Variants in CCSER1 observed in about 807,000 individuals in gnomAD.
CCSER1 encodes coiled-coil serine rich protein 1.
CCSER1 carries 41 observed loss-of-function variants against 82.0 expected under a neutral mutation model. The ratio of observed to expected loss-of-function variants is 0.50; its 90% CI spans 0.39 to 0.65. The LOEUF (loss-of-function observed/expected upper bound fraction) is 0.65. Ranked by LOEUF, CCSER1 falls within the 30% of genes least tolerant of loss-of-function variation. The pLI is 0.00. For missense variants in CCSER1, 1,119 were observed against 1,064.2 expected, an observed-to-expected ratio of 1.05 and a Z score of -0.72; for synonymous variants, 414 against 383.9, an observed-to-expected ratio of 1.08 and a Z score of -0.92.
At chr4:91,422,603 A>C (rs559840729) in intron 10 of CCSER1, among the ~76,000 whole-genome samples, 15 of 152,314 alleles carry the variant, frequency 9.8e-5, no homozygotes, top group South Asian at 2.1e-4. Flanking sequence ...AATTTTCAAA[A>C]TATTTCTAAC....
intron 8 of CCSER1, among the ~76,000 whole-genome samples, chr4:90,836,084 C>T (rs28750298): frequency 0.26 from 39,013 of 152,006 alleles, 5,522 homozygotes; most frequent in African/African-American, 0.38. Context: ...TCAGACCTAG[C>T]ATGAGATTTT....
At chr4:90,614,766 A>G (rs1453342494) in intron 5 of CCSER1, among the ~76,000 whole-genome samples, 2 of 152,240 alleles carry the variant, frequency 1.3e-5, no homozygotes, top group African/African-American at 4.8e-5. Context: ...TGTAAGGTAA[A>G]GCAGCAAGCA....
intron 10 of CCSER1, among the ~76,000 whole-genome samples, chr4:91,532,885 AG>A (rs1319130115): frequency 2.6e-5 from 4 of 151,674 alleles, no homozygotes; most frequent in Non-Finnish European, 5.9e-5. Flanking sequence ...AAAAAAAAAA[AG>A]TTATGCTTTC....
At chr4:91,500,503 T>C (rs1021577059) in intron 10 of CCSER1, among the ~76,000 whole-genome samples, 3 of 152,044 alleles carry the variant, frequency 2.0e-5, no homozygotes, top group African/African-American at 7.2e-5. Context: ...GTAAATAATA[T>C]AGTTCTTTTT....
At chr4:91,286,554 G>A (rs1743292927) in intron 10 of CCSER1, among the ~76,000 whole-genome samples, 1 of 151,596 alleles carries the variant, frequency 6.6e-6, no homozygotes, top group South Asian at 2.1e-4. Context: ...TCATGTGTTG[G>A]TATAACCTTA....
At chr4:90,458,005 C>A (rs530938404) in intron 4 of CCSER1, among the ~76,000 whole-genome samples, 31 of 152,292 alleles carry the variant, frequency 2.0e-4, no homozygotes, top group African/African-American at 7.5e-4. Flanking sequence ...CATGTGCATA[C>A]CCAGCAGGGT....
At chr4:90,961,273 C>A (rs2150376101) in intron 9 of CCSER1, among the ~76,000 whole-genome samples, 1 of 152,224 alleles carries the variant, frequency 6.6e-6, no homozygotes, top group Non-Finnish European at 1.5e-5. Flanking sequence ...TGTTTCTTCC[C>A]AGTTCCAGTA....
intron 8 of CCSER1, among the ~76,000 whole-genome samples, chr4:90,821,158 C>T (rs1279686184): frequency 6.6e-6 from 1 of 152,082 alleles, no homozygotes; most frequent in Non-Finnish European, 1.5e-5. Flanking sequence ...AGTATCATTT[C>T]AATCAATAAG....
intron 10 of CCSER1, among the ~76,000 whole-genome samples, chr4:91,471,067 T>C (rs1048253007): frequency 6.6e-6 from 1 of 152,190 alleles, no homozygotes; most frequent in African/African-American, 2.4e-5. Flanking sequence ...ATATAACTAG[T>C]GCTGAAATGA....
At chr4:91,141,538 C>G (rs904460761) in intron 10 of CCSER1, among the ~76,000 whole-genome samples, 1 of 152,128 alleles carries the variant, frequency 6.6e-6, no homozygotes, top group African/African-American at 2.4e-5. Context: ...CTGATGAGCA[C>G]CTACGTTGAT....
intron 7 of CCSER1, among the ~76,000 whole-genome samples, chr4:90,763,907 T>A (rs1750786504): frequency 6.6e-6 from 1 of 152,340 alleles, no homozygotes; most frequent in African/African-American, 2.4e-5. Flanking sequence ...TGTTTTCTTA[T>A]AACTTTCCGG....
At chr4:90,406,701 G>A (rs907587183) in intron 4 of CCSER1, among the ~76,000 whole-genome samples, 1 of 152,042 alleles carries the variant, frequency 6.6e-6, no homozygotes, top group East Asian at 1.9e-4. Flanking sequence ...ACTCCAAAAG[G>A]AATCTTCAAA....
intron 4 of CCSER1, among the ~76,000 whole-genome samples, chr4:90,451,145 G>T (rs1282238770): frequency 6.6e-6 from 1 of 152,074 alleles, no homozygotes; most frequent in East Asian, 1.9e-4. Flanking sequence ...TTTTATACCC[G>T]CTGGGTGACA....
intron 10 of CCSER1, among the ~76,000 whole-genome samples, chr4:91,116,153 G>A (rs1431020841): frequency 6.6e-6 from 1 of 151,948 alleles, no homozygotes; most frequent in East Asian, 1.9e-4. Context: ...ATTCACAATA[G>A]CAAAGACTTG....
At chr4:91,247,742 G>T (rs1447094222) in intron 10 of CCSER1, among the ~76,000 whole-genome samples, 2 of 152,124 alleles carry the variant, frequency 1.3e-5, no homozygotes, top group Non-Finnish European at 2.9e-5. Context: ...GGTGGTGCGT[G>T]TCTGCAGTCC....
chr4:90,673,617 T>C (rs910623587), intron 6 of CCSER1, among the ~76,000 whole-genome samples: 6 of 151,890 alleles, frequency 4.0e-5, no homozygotes, highest in Non-Finnish European at 5.9e-5. Flanking sequence ...AAAAACAAAA[T>C]ACTCTCCCAA....
chr4:91,018,076 G>T (rs978148326), intron 9 of CCSER1, among the ~76,000 whole-genome samples: 5 of 151,982 alleles, frequency 3.3e-5, no homozygotes, highest in African/African-American at 1.2e-4. Flanking sequence ...TAAACATATA[G>T]AACTATCAAA....
intron 10 of CCSER1, among the ~76,000 whole-genome samples, chr4:91,506,514 G>A (rs1759497666): frequency 6.6e-6 from 1 of 151,858 alleles, no homozygotes; most frequent in African/African-American, 2.4e-5. Flanking sequence ...GAAGGAAATA[G>A]CATTTAATCT....
At chr4:90,737,770 T>A (rs1745899319) in intron 7 of CCSER1, among the ~76,000 whole-genome samples, 1 of 146,968 alleles carries the variant, frequency 6.8e-6, no homozygotes, top group Non-Finnish European at 1.5e-5. Flanking sequence ...CTAGATTTTG[T>A]AGGTGTGCTT....
Sources: gnomAD v4.1 joint callset for allele counts (sites outside exome capture counted in the v4.1 genomes callset) on GRCh38, gnomAD v4.1.1 for gene constraint, MANE v1.5 for transcripts, NCBI Gene and HGNC (gene_info 2026-07-23, HGNC 2026-07-21) for gene names.